TTI2: variants seen among roughly 807,000 people sequenced by gnomAD.
The protein encoded by TTI2 is TELO2 interacting protein 2.
In TTI2, 26 loss-of-function variants were observed where a neutral mutation model predicts 44.9. That is an observed-to-expected ratio of 0.58 (90% confidence interval 0.42 to 0.80). TTI2 has a LOEUF of 0.80. TTI2 is among the 30% of genes least tolerant of loss of function. The pLI, the probability that TTI2 is intolerant of heterozygous loss-of-function variation, is 0.00. For synonymous variants in TTI2, 254 were observed against 250.9 expected, an observed-to-expected ratio of 1.01 and a Z score of -0.12; for missense variants, 582 against 611.6, an observed-to-expected ratio of 0.95 and a Z score of 0.51.
Position 33,500,324 on chromosome 8 carries a change from T to A in TTI2, c.1422+4A>T. 6.2e-7 allele frequency: 1 copy of A among 1,614,088 alleles called. No individual in the cohort carries two copies. The highest frequency in any genetic ancestry group is 8.5e-7 in the Non-Finnish European group (1 of 1,179,974). On this transcript the variant is annotated splice_donor_region_variant and intron_variant, in intron 7 of 7. Coordinates refer to ENST00000431156, the MANE Select transcript of TTI2 (RefSeq NM_001102401.4). ...AACTGAAACCAAGTTTCAGTCTGCCTTACCTTTACCCGTCCTTGAGAACAG... is the reference window on the plus strand; with the variant it reads ...AACTGAAACCAAGTTTCAGTCTGCCATACCTTTACCCGTCCTTGAGAACAG...
In TTI2 at chr8:33,499,085, TAA is replaced by T; in HGVS notation, c.*86_*87del. On this transcript the variant is annotated 3_prime_UTR_variant, in exon 8 of 8. Coordinates refer to ENST00000431156, the MANE Select transcript of TTI2 (RefSeq NM_001102401.4). Reference sequence around the variant, plus strand: ...CAGCTTTCACTTACAAAGTTTCGTGTAAAAATATCTTTTTTTCTTAAATAACT... The same window carrying T: ...CAGCTTTCACTTACAAAGTTTCGTGTAAATATCTTTTTTTCTTAAATAACT... The T allele has an allele frequency of 1.7e-6, 2 of 1,156,910 alleles. No individual in the cohort carries two copies. Among genetic ancestry groups the T allele is most frequent in the East Asian group, 4.8e-5 (2 of 41,596 alleles). The allele number at this position is 1,156,910 out of a possible 1,614,324, so 71.7% of individuals were successfully genotyped here. A position where few individuals can be genotyped will look rare whatever the true frequency, so the allele number is the denominator to read the frequency against.
chr8:33,502,457 AT>A (rs35823991), intron 6 of TTI2, among the ~76,000 whole-genome samples: 3,621 of 147,418 alleles, frequency 0.025, 62 homozygotes, highest in East Asian at 0.08. Context: ...TGACCACAGA[AT>A]TTTTTTTTTT....
intron 6 of TTI2, among the ~76,000 whole-genome samples, chr8:33,502,831 CAAAAA>C (rs1301627252): frequency 9.9e-6 from 1 of 100,616 alleles, no homozygotes; most frequent in Non-Finnish European, 2.3e-5. Flanking sequence ...ATCTCAAAAA[CAAAAA>C]CAAAAACAAA....
intron 4 of TTI2, among the ~76,000 whole-genome samples, chr8:33,504,204 G>A (rs1347576908): frequency 1.3e-5 from 2 of 150,366 alleles, no homozygotes. Flanking sequence ...GCAGAGCTGG[G>A]ACTTTAATCC....
intron 3 of TTI2, 54 bp from the exon 4 acceptor site, chr8:33,507,375 T>G (rs1021713659): frequency 2.0e-6 from 3 of 1,487,642 alleles, no homozygotes; most frequent in Admixed American, 1.7e-5. Context: ...GATTGGCACA[T>G]GTTGACTATC....
In TTI2 at chr8:33,512,258, A is replaced by G. The variant is rs779111618; in HGVS notation, c.356T>C (p.Leu119Pro). The change falls in exon 2 of 8, where the codon CTG (leucine) becomes CCG (proline). Residue 119 changes from leucine to proline, a missense_variant. Leu to Pro is a moderately conservative substitution (Grantham distance 98). Transcript: ENST00000431156. ...AACTTTCCCTAACAGTTTAAGAAAC[A>G]GTAACCCAACTTGGGCTGCTTTCTC... ...AAEKAAQVGL[L>P]FLKLLGKVET... The G allele has an allele frequency of 5.0e-6, 8 of 1,614,086 alleles. No homozygotes were observed. Among genetic ancestry groups the G allele is most frequent in the Non-Finnish European group, 6.8e-6 (8 of 1,180,040 alleles).
chr8:33,512,345 T>C lies in TTI2; in HGVS notation c.269A>G (p.Glu90Gly). The change falls in exon 2 of 8, where the codon GAG (glutamate) becomes GGG (glycine). Residue 90 changes from glutamate to glycine, a missense_variant. Coordinates refer to ENST00000431156, the MANE Select transcript of TTI2 (RefSeq NM_001102401.4). ...CTCCTTGGAGGGGGCTGCATACTTC[T>C]CCAGGGCTTTTGCTACCTGCCCCAG... ...ETLGQVAKAL[E>G]KYAAPSKEEE... is the part of the protein sequence containing the mutation. 6.2e-7 allele frequency: 1 copy of C among 1,614,152 alleles called. No homozygotes were observed. Among genetic ancestry groups the C allele is most frequent in the Non-Finnish European group, 8.5e-7 (1 of 1,180,032 alleles).
chr8:33,509,617 A>T, intron 3 of TTI2, 129 bp downstream of exon 3: 1 of 882,686 alleles, frequency 1.1e-6, no homozygotes, highest in Non-Finnish European at 1.8e-6. Context: ...CCAGGTGGAT[A>T]GAGGAAAAAT....
Position 33,509,860 on chromosome 8 carries a change from C to A in TTI2, c.720G>T (p.Trp240Cys), listed in dbSNP as rs1426031207. 6.2e-7 allele frequency: 1 copy of A among 1,613,778 alleles called. No homozygotes were observed. The highest frequency in any genetic ancestry group is 1.7e-5 in the Admixed American group (1 of 59,940). The change falls in exon 3 of 8, where the codon TGG becomes TGT. Residue 240 changes from tryptophan to cysteine, a missense_variant. Transcript: ENST00000431156. ...SWTLQQVTRP[W>C]LSQHLERVLP... ...GTACCCTTTCCAGATGCTGGCTCAGCCAGGGCCGAGTGACCTGTTGCAGAG... is the reference window on the plus strand; with the variant it reads ...GTACCCTTTCCAGATGCTGGCTCAGACAGGGCCGAGTGACCTGTTGCAGAG...
At chr8:33,502,561 A>G (rs1014005840) in intron 6 of TTI2, among the ~76,000 whole-genome samples, 3 of 152,142 alleles carry the variant, frequency 2.0e-5, no homozygotes, top group Non-Finnish European at 2.9e-5. Flanking sequence ...ACAGTGGCCC[A>G]CGCCTATAAT....
Position 33,500,385 on chromosome 8 carries a change from T to C in TTI2, c.1365A>G (p.Leu455=), listed in dbSNP as rs746607834. 19 of 1,614,054 alleles carry C rather than the reference T, an allele frequency of 1.2e-5. No homozygotes were observed. The highest frequency in any genetic ancestry group is 2.7e-5 in the African/African-American group (2 of 74,926). Residue 455 remains leucine, a synonymous_variant, in exon 7 of 8, where the codon CTA becomes CTG. Coordinates refer to ENST00000431156, the MANE Select transcript of TTI2 (RefSeq NM_001102401.4). ...LTPESVKSAL[L]QEATDCLILL... ...GAATCAGGCAGTCTGTGGCCTCCTG[T>C]AGCAGGGCGCTCTTAACAGACTCAG...
Position 33,509,732 on chromosome 8 carries a change from C to T in TTI2, c.834+14G>A. 6.2e-7 allele frequency: 1 copy of T among 1,613,628 alleles called. No homozygotes were observed. The highest frequency in any genetic ancestry group is 8.5e-7 in the Non-Finnish European group (1 of 1,179,650). The stretch of plus-strand genomic sequence containing the variant: ...TGTCCTGTCAACACAGATGACAAGC[C>T]AGAGGTTGCTTACCACATTAAGCAC... On this transcript the variant is annotated intron_variant, in intron 3 of 7. Coordinates refer to ENST00000431156, the MANE Select transcript of TTI2 (RefSeq NM_001102401.4).
At chr8:33,508,617 CAAAAAAA>C (rs55717202) in intron 3 of TTI2, among the ~76,000 whole-genome samples, 1,948 of 64,010 alleles carry the variant, frequency 0.03, 71 homozygotes, top group African/African-American at 0.11. Flanking sequence ...GACTCTGCCT[CAAAAAAA>C]AAAAAAAAAA....
Position 33,512,320 on chromosome 8 carries a change from C to A in TTI2, c.294G>T (p.Glu98Asp). The change falls in exon 2 of 8, where the codon GAG becomes GAT. Residue 98 changes from glutamate to aspartate, a missense_variant. Transcript: ENST00000431156. ...AGTGCCCATCACCTCCACCTTCCTCCTCCTTGGAGGGGGCTGCATACTTCT... is the reference window on the plus strand; with the variant it reads ...AGTGCCCATCACCTCCACCTTCCTCATCCTTGGAGGGGGCTGCATACTTCT... ...ALEKYAAPSK[E>D]EEGGGDGHSE... 1 of 1,614,210 alleles carries A rather than the reference C, an allele frequency of 6.2e-7. No individual in the cohort carries two copies. Among genetic ancestry groups the A allele is most frequent in the Non-Finnish European group, 8.5e-7 (1 of 1,180,042 alleles).
At position 33,499,225 on chromosome 8, in the gene TTI2, T is replaced by G; in HGVS notation, c.1475A>C (p.Tyr492Ser). The G allele has an allele frequency of 1.2e-6, 2 of 1,614,158 alleles. No individual in the cohort carries two copies. The highest frequency in any genetic ancestry group is 1.7e-6 in the Non-Finnish European group (2 of 1,180,014). Residue 492 changes from tyrosine (Y) to serine (S), a missense_variant, in exon 8 of 8, where the codon TAT (tyrosine) becomes TCT (serine). Physicochemically the swap from Tyr to Ser is moderately radical, Grantham distance 144 (BLOSUM62 -2). Coordinates refer to ENST00000431156, the MANE Select transcript of TTI2 (RefSeq NM_001102401.4). ...QSCEDRKVVN[Y>S]IRKVQQVSEG... ...AGAAACCTGCTGCACTTTTCTGATA[T>G]AGTTCACCACTTTTCTGTCTTCACA... is the stretch of plus-strand genomic sequence containing the variant.
Position 33,503,919 on chromosome 8 carries a change from A to C in TTI2, c.944T>G (p.Leu315Arg). The C allele has an allele frequency of 6.2e-7, 1 of 1,614,124 alleles. No homozygotes were observed. The highest frequency in any genetic ancestry group is 8.5e-7 in the Non-Finnish European group (1 of 1,180,030). ...CTCCAGGATGGGGAATAAATCCAGC[A>C]GACACAGGAGCACAGCCTAGGAGGA... Reference protein sequence around the residue: ...HHLIQAVLLCLLDLFPILEKT... With the variant: ...HHLIQAVLLCRLDLFPILEKT... The change falls in exon 5 of 8, where the codon CTG (leucine) becomes CGG (arginine). Residue 315 changes from leucine (L) to arginine (R), a missense_variant. Physicochemically the swap from Leu to Arg is moderately radical, Grantham distance 102. Transcript: ENST00000431156.
Position 33,498,735 on chromosome 8 carries a change from A to T in TTI2, c.*438T>A. 1 of 908,166 alleles carries T rather than the reference A, an allele frequency of 1.1e-6. No homozygotes were observed. Among genetic ancestry groups the T allele is most frequent in the Non-Finnish European group, 1.7e-6 (1 of 604,968 alleles). The allele number at this position is 908,166 out of a possible 1,614,324, so 56.3% of individuals were successfully genotyped here. A position where few individuals can be genotyped will look rare whatever the true frequency, so the allele number is the denominator to read the frequency against. On this transcript the variant is annotated 3_prime_UTR_variant, in exon 8 of 8. Coordinates refer to ENST00000431156, the MANE Select transcript of TTI2 (RefSeq NM_001102401.4). The stretch of plus-strand genomic sequence containing the variant: ...TCCAGTTTTTGCTCTTTTGTGTTGT[A>T]CTGAACACAATATTTGTGTTTTTAT...
At chr8:33,507,451 C>T (rs185441775) in intron 3 of TTI2, 130 bp from the exon 4 acceptor site, 19 of 788,006 alleles carry the variant, frequency 2.4e-5, no homozygotes, top group East Asian at 5.4e-5. Context: ...ATGATTGTTT[C>T]GAGTTGAAAA....
At chr8:33,500,224 A>G in intron 7 of TTI2, 104 bp downstream of exon 7, 1 of 1,375,464 alleles carries the variant, frequency 7.3e-7, no homozygotes, top group Non-Finnish European at 1.0e-6. Context: ...CTCCATGTTC[A>G]TTTCCAGACT....
Sources: allele counts gnomAD v4.1 joint callset (sites outside exome capture counted in the v4.1 genomes callset), GRCh38; gene constraint gnomAD v4.1.1; transcripts MANE v1.5; gene names NCBI Gene and HGNC (gene_info 2026-07-23, HGNC 2026-07-21).